The following FNDC7 variants were observed in gnomAD, a reference collection of about 807,000 sequenced individuals.
FNDC7 encodes fibronectin type III domain containing 7.
Under a neutral mutation model 74.2 loss-of-function variants are expected in FNDC7, and 66 were observed. The observed-to-expected ratio is 0.89, with a 90% CI of 0.73 to 1.09. The LOEUF (loss-of-function observed/expected upper bound fraction) is 1.09. Ranked by LOEUF, FNDC7 falls within the 50% of genes least tolerant of loss-of-function variation. FNDC7 has a pLI of 0.00. For synonymous variants in FNDC7, 307 were observed against 330.2 expected (o/e 0.93, Z 0.76); for missense variants, 829 against 893.4 (o/e 0.93, Z 0.92).
At chr1:108,724,406 G>T (rs1323984362) in intron 5 of FNDC7, among the ~76,000 whole-genome samples, 1 of 151,952 alleles carries the variant, frequency 6.6e-6, no homozygotes, top group African/African-American at 2.4e-5. Context: ...CCTGGAGGAT[G>T]TAATGGGCAT....
intron 10 of FNDC7, chr1:108,734,780 A>T (rs1661473003): frequency 6.6e-6 from 1 of 152,248 alleles, no homozygotes; most frequent in Admixed American, 6.5e-5. Flanking sequence ...TCTTAGGAAG[A>T]TGAGTCTACA....
chr1:108,720,947 A>G lies in FNDC7; in HGVS notation c.599-1388A>G, dbSNP rs147922331. On this transcript the variant is annotated intron_variant, in intron 4 of 12. Transcript: ENST00000370017. ...AGTCAACTCATAACAGGCTCTCACT[A>G]CTCTACCTATTTTTCCTAGTTCTCC... Among the ~76,000 whole-genome samples the G allele has an allele frequency of 5.9e-5, 9 of 152,120 alleles. No individual in the cohort carries two copies. The East Asian group carries it at 1.4e-3, about 23-fold the overall frequency.
intron 5 of FNDC7, among the ~76,000 whole-genome samples, chr1:108,723,418 C>A (rs1485548413): frequency 6.6e-6 from 1 of 152,044 alleles, no homozygotes; most frequent in African/African-American, 2.4e-5. Context: ...TCAGTTATGT[C>A]ATTCTAAGTT....
At chr1:108,722,273 T>G in intron 4 of FNDC7, 62 bp from the exon 5 acceptor site, 1 of 1,442,450 alleles carries the variant, frequency 6.9e-7, no homozygotes, top group Non-Finnish European at 9.2e-7. Flanking sequence ...AACATTGTTA[T>G]GCCAACTCTT....
rs1199286617 is a variant in FNDC7, at chr1:108,728,640, A to T, written c.1378A>T (p.Ser460Cys). The T allele has an allele frequency of 6.2e-7, 1 of 1,614,238 alleles. No individual in the cohort carries two copies. Among genetic ancestry groups the T allele is most frequent in the African/African-American group, 1.3e-5 (1 of 75,066 alleles). ...TPQFITTAPC[S>C]PEIKNVSRDA... ...ACTCTAAAATGTCTTAGCTCCTTGC[A>T]GTCCTGAAATAAAAAATGTTTCAAG... Residue 460 changes from serine to cysteine, a missense_variant, in exon 8 of 13, where the codon AGT becomes TGT. Coordinates refer to ENST00000370017, the MANE Select transcript of FNDC7 (RefSeq NM_001144937.3).
intron 11 of FNDC7, among the ~76,000 whole-genome samples, chr1:108,738,742 T>C (rs1273446780): frequency 6.6e-6 from 1 of 152,172 alleles, no homozygotes; most frequent in Non-Finnish European, 1.5e-5. Context: ...CCCAGTCTAT[T>C]GCTTCTCTGA....
chr1:108,733,012 G>A (rs187561658), intron 9 of FNDC7, among the ~76,000 whole-genome samples: 90 of 149,486 alleles, frequency 6.0e-4, no homozygotes, highest in East Asian at 2.2e-3. Context: ...GGGCTTAAGC[G>A]ATCCTCCTGC....
chr1:108,731,843 A>G (rs986100244), intron 9 of FNDC7, among the ~76,000 whole-genome samples: 6 of 152,224 alleles, frequency 3.9e-5, no homozygotes, highest in Non-Finnish European at 7.3e-5. Flanking sequence ...CTTTTGACCC[A>G]TTATCTTGTA....
In FNDC7 at chr1:108,728,746, A is replaced by G. The variant is rs562091128; in HGVS notation, c.1484A>G (p.Lys495Arg). The change falls in exon 8 of 13, where the codon AAA becomes AGA. Residue 495 changes from lysine to arginine, a missense_variant. Transcript: ENST00000370017. ...TACACGGTGACTGCCCAAGGGGAGA[A>G]AGGACTGTATCAGTGCAGCAGCACA... ...ATYTVTAQGE[K>R]GLYQCSSTGE... The G allele has an allele frequency of 2.2e-5, 36 of 1,614,248 alleles. 1 individual carries two copies. Among genetic ancestry groups the G allele is most frequent in the Middle Eastern group, 3.3e-4 (2 of 6,062 alleles).
At position 108,725,664 on chromosome 1, in the gene FNDC7, G is replaced by A. The variant is rs1193730892; in HGVS notation, c.857-86G>A. On this transcript the variant is annotated intron_variant, in intron 5 of 12. Coordinates refer to ENST00000370017, the MANE Select transcript of FNDC7 (RefSeq NM_001144937.3). ...TCACAAAGCTCAGAGTTGCTAATTT[G>A]GGTTGTATTGAAATCTTGGATAATT... The A allele has an allele frequency of 5.7e-5, 81 of 1,426,020 alleles. No homozygotes were observed. The East Asian group carries it at 1.8e-3, about 32-fold the overall frequency. The allele number at this position is 1,426,020 out of a possible 1,614,324, so 88.3% of individuals were successfully genotyped here.
intron 5 of FNDC7, 39 bp downstream of exon 5, chr1:108,722,631 C>T (rs1328212587): frequency 1.9e-6 from 3 of 1,578,134 alleles, no homozygotes; most frequent in African/African-American, 1.3e-5. Flanking sequence ...GGGCTTGCAG[C>T]CCTGACTGCT....
At chr1:108,724,522 G>A (rs947197078) in intron 5 of FNDC7, among the ~76,000 whole-genome samples, 3 of 152,066 alleles carry the variant, frequency 2.0e-5, no homozygotes, top group African/African-American at 4.8e-5. Flanking sequence ...AGGAGGCCGA[G>A]ATGGGTGGAT....
chr1:108,715,029 A>G lies in FNDC7; in HGVS notation c.82+1500A>G, dbSNP rs1237444311. Among the ~76,000 whole-genome samples, 6 of 152,114 alleles carry G rather than the reference A, an allele frequency of 3.9e-5. No homozygotes were observed. In the East Asian group the frequency reaches 9.6e-4, roughly 24 times the overall value. On this transcript the variant is annotated intron_variant, in intron 2 of 12. Coordinates refer to ENST00000370017, the MANE Select transcript of FNDC7 (RefSeq NM_001144937.3). ...GTTTATAGCATCTGCACTAATCTAG[A>G]GAAATGGTGGGTCAGGCTAAGCTAC...
At chr1:108,727,761 C>T (rs770256453) in intron 6 of FNDC7, 47 bp from the exon 7 acceptor site, 16 of 1,601,544 alleles carry the variant, frequency 1.0e-5, no homozygotes, top group Non-Finnish European at 1.3e-5. Flanking sequence ...CCCCCAGCTG[C>T]ATTGCTCTTG....
chr1:108,715,671 G>A (rs55716634), intron 2 of FNDC7, among the ~76,000 whole-genome samples: 129,047 of 150,666 alleles, frequency 0.86, 56,854 homozygotes, highest in Middle Eastern at 0.97. Context: ...GTGCGCGCGC[G>A]CACACACACA....
chr1:108,727,913 T>C lies in FNDC7; in HGVS notation c.1217T>C (p.Val406Ala). ...GCCGAACTGTATGAAACCAAGGCTG[T>C]AGATGGGTACAACATGGTTGAGTGC... ...RGAELYETKA[V>A]DGYNMVECND... Residue 406 changes from valine (V) to alanine (A), a missense_variant, in exon 7 of 13, where the codon GTA becomes GCA. Physicochemically the swap from Val to Ala is moderately conservative, Grantham distance 64 (BLOSUM62 0). Coordinates refer to ENST00000370017, the MANE Select transcript of FNDC7 (RefSeq NM_001144937.3). 1 of 1,614,186 alleles carries C rather than the reference T, an allele frequency of 6.2e-7. No individual in the cohort carries two copies. The highest frequency in any genetic ancestry group is 8.5e-7 in the Non-Finnish European group (1 of 1,180,036).
At chr1:108,726,172 T>C (rs528382598) in intron 6 of FNDC7, among the ~76,000 whole-genome samples, 168 bp downstream of exon 6, 1 of 152,138 alleles carries the variant, frequency 6.6e-6, no homozygotes, top group Non-Finnish European at 1.5e-5. Context: ...AATTTTGGCT[T>C]TGTGGACCTA....
In FNDC7 at chr1:108,725,954, A is replaced by G. The variant is rs761735302; in HGVS notation, c.1061A>G (p.Tyr354Cys). The change falls in exon 6 of 13, where the codon TAT becomes TGT. Residue 354 changes from tyrosine (Y) to cysteine (C), a missense_variant. Transcript: ENST00000370017. ...GFTYFISVFVYNKAGQSPLGD... is the reference protein window; with the variant it reads ...GFTYFISVFVCNKAGQSPLGD... ...ACTTATTTTATTAGTGTTTTTGTCT[A>G]TAACAAGGCAGGGCAAAGTCCTTTG... The G allele has an allele frequency of 5.0e-6, 8 of 1,614,002 alleles. No homozygotes were observed. The African/African-American group carries it at 6.7e-5, about 13-fold the overall frequency.
At chr1:108,714,945 T>C (rs1660943847) in intron 2 of FNDC7, among the ~76,000 whole-genome samples, 1 of 152,084 alleles carries the variant, frequency 6.6e-6, no homozygotes, top group Non-Finnish European at 1.5e-5. Context: ...CTGCCGTCTC[T>C]TACAAGGTCC....
Sources: allele counts gnomAD v4.1 joint callset (sites outside exome capture counted in the v4.1 genomes callset), GRCh38; gene constraint gnomAD v4.1.1; transcripts MANE v1.5; gene names NCBI Gene and HGNC (gene_info 2026-07-23, HGNC 2026-07-21).